Variants in ECE2 observed in about 807,000 individuals in gnomAD.
The protein encoded by ECE2 is endothelin-converting enzyme 2.
Under a neutral mutation model 100.6 loss-of-function variants are expected in ECE2, and 81 were observed. The ratio of observed to expected loss-of-function variants is 0.81; its 90% CI spans 0.67 to 0.97. The LOEUF (loss-of-function observed/expected upper bound fraction) is 0.97. ECE2 is among the 50% of genes least tolerant of loss of function. The pLI is 0.00. For missense variants in ECE2, 911 were observed against 988.1 expected (o/e 0.92, Z 1.05); for synonymous variants, 391 against 391.5 (o/e 1.00, Z 0.02).
In ECE2 at chr3:184,276,662, GC is replaced by G. The variant is rs768791533; in HGVS notation, c.126+100del. On this transcript the variant is annotated intron_variant, in intron 2 of 18. Coordinates refer to ENST00000404464, the MANE Select transcript of ECE2 (RefSeq NM_001100121.2). ...TCTGGGCTGTTCTGGAGGGTCACCT[GC>G]CCCCACCTCCGCTCCATCTCTGGCC... 6 of 1,568,134 alleles carry G rather than the reference GC, an allele frequency of 3.8e-6. No homozygotes were observed. In the African/African-American group the frequency reaches 4.1e-5, roughly 11 times the overall value.
Position 184,284,082 on chromosome 3 carries a change from C to G in ECE2, c.1005+109C>G, listed in dbSNP as rs1254545655. 8 of 1,360,158 alleles carry G rather than the reference C, an allele frequency of 5.9e-6. No individual in the cohort carries two copies. The Admixed American group carries it at 1.7e-4, about 29-fold the overall frequency. The allele number at this position is 1,360,158 out of a possible 1,614,324, so 84.3% of individuals were successfully genotyped here. A position where few individuals can be genotyped will look rare whatever the true frequency, so the allele number is the denominator to read the frequency against. ...AAGGCAGCCAGTCCTTTCCTCATTC[C>G]CTTGCTTTTCTGTGCTCCCCAGCTG... On this transcript the variant is annotated intron_variant, in intron 8 of 18. Transcript: ENST00000404464.
rs1426560684 is a variant in ECE2 at position 184,276,190 on chromosome 3, A to T, written c.37A>T (p.Asn13Tyr). ...GCTGCAGGAGCTGGGAGCTGGCAGC[A>T]ACGTGAGTGGGGGCCCCGGGCTCCA... is the stretch of plus-strand genomic sequence containing the variant. Reference protein sequence around the residue: ...VALQELGAGSNMVEYKRATLR... With the variant: ...VALQELGAGSYMVEYKRATLR... The change falls in exon 1 of 19, where the codon AAC becomes TAC. Residue 13 changes from asparagine (N) to tyrosine (Y), a missense_variant and splice_region_variant. Asn to Tyr is a moderately radical substitution (Grantham distance 143). Coordinates refer to ENST00000404464, the MANE Select transcript of ECE2 (RefSeq NM_001100121.2). 2.1e-6 allele frequency: 3 copies of T among 1,446,694 alleles called. No individual in the cohort carries two copies. The highest frequency in any genetic ancestry group is 2.7e-6 in the Non-Finnish European group (3 of 1,105,420). The allele number at this position is 1,446,694 out of a possible 1,614,324, so 89.6% of individuals were successfully genotyped here. A position where few individuals can be genotyped will look rare whatever the true frequency, so the allele number is the denominator to read the frequency against.
chr3:184,285,127 AG>A (rs1720979062), intron 9 of ECE2, 22 bp downstream of exon 9: 1 of 1,610,588 alleles, frequency 6.2e-7, no homozygotes, highest in Non-Finnish European at 8.5e-7. Flanking sequence ...GCCCAGGGTG[AG>A]GGTGGGTTCT....
intron 2 of ECE2, 115 bp downstream of exon 2, chr3:184,276,682 T>G (rs762026206): frequency 6.4e-7 from 1 of 1,553,814 alleles, no homozygotes; most frequent in East Asian, 2.3e-5. Context: ...CCGCTCCATC[T>G]CTGGCCTCTG....
At chr3:184,278,692 CTTTCTTT>C in intron 7 of ECE2, 135 bp downstream of exon 7, 1 of 705,728 alleles carries the variant, frequency 1.4e-6, no homozygotes, top group Non-Finnish European at 2.2e-6. Context: ...ACTGCCCCTC[CTTTCTTT>C]CTTCTTTTCT....
At position 184,291,470 on chromosome 3, in the gene ECE2, C is replaced by A; in HGVS notation, c.2121+31C>A. On this transcript the variant is annotated intron_variant, in intron 18 of 18. Coordinates refer to ENST00000404464, the MANE Select transcript of ECE2 (RefSeq NM_001100121.2). The surrounding 1 kb of genome is among the most constrained non-coding windows in gnomAD (Gnocchi z 4.1). ...ACCCTCTCGGAAGGCCTGGGGTCTG[C>A]CCCTTTGTCCTGCTCCCTCCTGAGT... The A allele has an allele frequency of 6.5e-7, 1 of 1,531,052 alleles. No homozygotes were observed. 94.8% of individuals were successfully genotyped at this position (1,531,052 alleles called of 1,614,324 possible).
Position 184,292,629 on chromosome 3 carries a change from T to C in ECE2, c.*391T>C. 4.2e-6 allele frequency: 1 copy of C among 237,020 alleles called. No individual in the cohort carries two copies. Among genetic ancestry groups the C allele is most frequent in the Non-Finnish European group, 8.4e-6 (1 of 118,528 alleles). 14.7% of individuals were successfully genotyped at this position (237,020 alleles called of 1,614,324 possible). ...CTGGGTGGTGTACCTCCTGGACTTC[T>C]CCCCAGGCTCACTCAGTGCGCACTT... On this transcript the variant is annotated 3_prime_UTR_variant, in exon 19 of 19. Transcript: ENST00000404464.
At chr3:184,277,516 C>A (rs756627572) in intron 4 of ECE2, 50 bp downstream of exon 4, 1 of 1,578,796 alleles carries the variant, frequency 6.3e-7, no homozygotes, top group Non-Finnish European at 8.7e-7. Flanking sequence ...GCCTTGTGCC[C>A]AGCACAGGGC....
intron 11 of ECE2, among the ~76,000 whole-genome samples, chr3:184,288,816 A>G (rs1721181096): frequency 6.6e-6 from 1 of 152,142 alleles, no homozygotes; most frequent in Non-Finnish European, 1.5e-5. Context: ...TCAATTCTCA[A>G]TTTTCCAAAT....
In ECE2 at chr3:184,291,282, A is replaced by C; in HGVS notation, c.2025+52A>C. ...GGCTGAGGCCTGCTGGCCTGGGGTGAAAGGTGCCGGGTGGGTGGGGGCAGG... is the reference window on the plus strand; with the variant it reads ...GGCTGAGGCCTGCTGGCCTGGGGTGCAAGGTGCCGGGTGGGTGGGGGCAGG... On this transcript the variant is annotated intron_variant, in intron 17 of 18. Coordinates refer to ENST00000404464, the MANE Select transcript of ECE2 (RefSeq NM_001100121.2). The surrounding 1 kb of genome is among the most constrained non-coding windows in gnomAD (Gnocchi z 4.1). 6.3e-7 allele frequency: 1 copy of C among 1,592,596 alleles called. No homozygotes were observed. Among genetic ancestry groups the C allele is most frequent in the Non-Finnish European group, 8.6e-7 (1 of 1,167,754 alleles).
At chr3:184,276,365 G>A (rs1228843731) in intron 1 of ECE2, 116 bp from the exon 2 acceptor site, 5 of 1,427,958 alleles carry the variant, frequency 3.5e-6, no homozygotes, top group Non-Finnish European at 3.8e-6. Flanking sequence ...AGGTGGGAAG[G>A]GAAGGGCCCT....
intron 7 of ECE2, among the ~76,000 whole-genome samples, chr3:184,281,363 C>T (rs555372314): frequency 8.5e-5 from 13 of 152,116 alleles, no homozygotes; most frequent in South Asian, 2.1e-4. Context: ...TTCCAGGGTG[C>T]GGATAGGCTG....
In ECE2 at chr3:184,284,992, G is replaced by A. The variant is rs1181858016; in HGVS notation, c.1035G>A (p.Glu345=). The change falls in exon 9 of 19, where the codon GAG becomes GAA. Residue 345 remains glutamate (E), a synonymous_variant. Coordinates refer to ENST00000404464, the MANE Select transcript of ECE2 (RefSeq NM_001100121.2). The stretch of plus-strand genomic sequence containing the variant: ...TGGCGCCCTCCATGGACTGGCTTGA[G>A]TTCCTGTCTTTCTTGCTGTCACCAT... ...QALAPSMDWL[E]FLSFLLSPLE... is the part of the protein sequence containing the mutation. The A allele has an allele frequency of 1.9e-6, 3 of 1,614,170 alleles. No homozygotes were observed. Among genetic ancestry groups the A allele is most frequent in the Middle Eastern group, 3.3e-4 (2 of 6,062 alleles).
rs1453278134 is a variant in ECE2, at chr3:184,276,875, C to T, written c.127-17C>T. On this transcript the variant is annotated splice_polypyrimidine_tract_variant and intron_variant, in intron 2 of 18. Coordinates refer to ENST00000404464, the MANE Select transcript of ECE2 (RefSeq NM_001100121.2). The stretch of plus-strand genomic sequence containing the variant: ...GCCCTGCATCTCAGTCACTCTCTGT[C>T]CCCCTGTGTTCCCCAGGTGGGATTC... The T allele has an allele frequency of 6.2e-7, 1 of 1,613,488 alleles. No individual in the cohort carries two copies. The highest frequency in any genetic ancestry group is 1.7e-5 in the Admixed American group (1 of 59,984).
rs1210533042 is a variant in ECE2 at position 184,292,219 on chromosome 3, A to G, written c.2279A>G (p.Gln760Arg). ...CPVGSPMNPG[Q>R]LCEVW The stretch of plus-strand genomic sequence containing the variant: ...GTCGGCTCCCCCATGAACCCAGGGC[A>G]GCTGTGTGAGGTGTGGTAGACCTGG... The change falls in exon 19 of 19, where the codon CAG (glutamine) becomes CGG (arginine). Residue 760 changes from glutamine to arginine, a missense_variant. Transcript: ENST00000404464. 6.2e-7 allele frequency: 1 copy of G among 1,614,084 alleles called. No individual in the cohort carries two copies. The highest frequency in any genetic ancestry group is 1.7e-5 in the Admixed American group (1 of 60,026).
At chr3:184,284,297 C>T (rs528484967) in intron 8 of ECE2, among the ~76,000 whole-genome samples, 3 of 152,054 alleles carry the variant, frequency 2.0e-5, no homozygotes, top group Admixed American at 6.6e-5. Context: ...AATCCCAGCA[C>T]TTTGGGAGGC....
chr3:184,290,451 C>A, intron 14 of ECE2, 93 bp downstream of exon 14: 1 of 1,558,994 alleles, frequency 6.4e-7, no homozygotes, highest in Non-Finnish European at 8.8e-7. Context: ...AAGACTGGTC[C>A]CAGACCGGCG....
rs1721338153 is a variant in ECE2 at position 184,291,816 on chromosome 3, A to G, written c.2122-246A>G. On this transcript the variant is annotated intron_variant, in intron 18 of 18. Transcript: ENST00000404464. The surrounding 1 kb of genome is among the most constrained non-coding windows in gnomAD (Gnocchi z 4.1). ...CCTGTCCAGGGCTGCCCAGGAATAG[A>G]GTAAGTGGCAGAGCAAGGACCCAGG... 1 of 556,246 alleles carries G rather than the reference A, an allele frequency of 1.8e-6. No homozygotes were observed. Among genetic ancestry groups the G allele is most frequent in the Admixed American group, 3.1e-5 (1 of 31,964 alleles). The allele number at this position is 556,246 out of a possible 1,614,324, so 34.5% of individuals were successfully genotyped here. A position where few individuals can be genotyped will look rare whatever the true frequency, so the allele number is the denominator to read the frequency against.
In ECE2 at chr3:184,292,235, G is replaced by T; in HGVS notation, c.2295G>T (p.Trp765Cys). 1.9e-6 allele frequency: 3 copies of T among 1,614,022 alleles called. No individual in the cohort carries two copies. The highest frequency in any genetic ancestry group is 2.5e-6 in the Non-Finnish European group (3 of 1,179,954). ...ACCCAGGGCAGCTGTGTGAGGTGTG[G>T]TAGACCTGGATCAGGGGAGAAATGG... ...PMNPGQLCEV[W>C] The change falls in exon 19 of 19, where the codon TGG (tryptophan) becomes TGT (cysteine). Residue 765 changes from tryptophan to cysteine, a missense_variant. Physicochemically the swap from Trp to Cys is radical, Grantham distance 215 (BLOSUM62 -2). Coordinates refer to ENST00000404464, the MANE Select transcript of ECE2 (RefSeq NM_001100121.2).
Sources: gnomAD v4.1 joint callset for allele counts (sites outside exome capture counted in the v4.1 genomes callset) on GRCh38, gnomAD v4.1.1 for gene constraint, Gnocchi (gnomAD v3.1) non-coding constraint, MANE v1.5 for transcripts, NCBI Gene and HGNC (gene_info 2026-07-23, HGNC 2026-07-21) for gene names.